Variants in KIAA1210 observed in about 807,000 individuals in gnomAD.
KIAA1210 encodes the protein acrosomal protein KIAA1210.
In KIAA1210, 48 loss-of-function variants were observed where a neutral mutation model predicts 78.9. That is an observed-to-expected ratio of 0.61 (90% CI 0.48 to 0.77). The LOEUF is 0.77. KIAA1210 is among the 30% of genes least tolerant of loss of function. The pLI, the probability that KIAA1210 is intolerant of heterozygous loss-of-function variation, is 0.00. For missense variants in KIAA1210, 1,108 were observed against 1,100.0 expected (o/e 1.01, Z -0.10); for synonymous variants, 406 against 404.5 (o/e 1.00, Z -0.04).
upstream of KIAA1210, among the ~76,000 whole-genome samples, chrX:119,128,255 T>A (rs2147193308): frequency 8.9e-6 from 1 of 111,985 alleles, no homozygotes; most frequent in African/African-American, 3.2e-5. Context: ...ATATTAATAG[T>A]ATATTTTACA....
intron 2 of KIAA1210, among the ~76,000 whole-genome samples, chrX:119,136,390 G>A (rs1006179710): frequency 1.8e-5 from 2 of 112,496 alleles, no homozygotes; most frequent in Admixed American, 1.9e-4. Context: ...TCACCCCATG[G>A]TTATGAGAAA....
intron 2 of KIAA1210, among the ~76,000 whole-genome samples, chrX:119,119,975 C>CAAAA (rs11342308): frequency 2.5e-4 from 9 of 35,567 alleles, no homozygotes; most frequent in Admixed American, 6.4e-4. Context: ...GACTCCATCT[C>CAAAA]AAAAAAAAAA....
At chrX:119,148,200 C>G (rs1261540096) in intron 1 of KIAA1210, among the ~76,000 whole-genome samples, 1 of 111,429 alleles carries the variant, frequency 9.0e-6, no homozygotes, top group Non-Finnish European at 1.9e-5. Context: ...CTGAATTGAC[C>G]TCTGCAGCAG....
rs375076566 is a variant in KIAA1210 at position 119,087,165 on chromosome X, A to G, written c.3537T>C (p.Pro1179=). 4.1e-6 allele frequency: 5 copies of G among 1,210,256 alleles called. No homozygotes were observed. Among genetic ancestry groups the G allele is most frequent in the Middle Eastern group, 2.3e-4 (1 of 4,376 alleles). ...QMSSKGPVNV[P]VKQSSGEKHL... ...GCTTCTCACCGCTGCTCTGCTTTAC[A>G]GGTACATTCACTGGGCCCTTTGATG... Residue 1179 remains proline, a synonymous_variant, in exon 9 of 12, where the codon CCT becomes CCC. Transcript: ENST00000691062.
At position 119,108,438 on chromosome X, in the gene KIAA1210, T is replaced by C. The variant is rs746863108; in HGVS notation, c.391A>G (p.Arg131Gly). 8.3e-7 allele frequency: 1 copy of C among 1,207,344 alleles called. No individual in the cohort carries two copies. The highest frequency in any genetic ancestry group is 1.1e-6 in the Non-Finnish European group (1 of 893,644). ...SHISRTLPKP[R>G]SKVPGVVSGA... ...GACACAACTCCAGGAACCTTACTCC[T>C]AGGTTTAGGCAGAGTTCTGGAAATA... The change falls in exon 5 of 12, where the codon AGG becomes GGG. Residue 131 changes from arginine to glycine, a missense_variant. By Grantham distance (125) the Arg-to-Gly change is moderately radical. Coordinates refer to ENST00000691062, the MANE Select transcript of KIAA1210 (RefSeq NM_001394962.1).
At chrX:119,136,507 C>A (rs1232438208) in intron 2 of KIAA1210, among the ~76,000 whole-genome samples, 1 of 110,960 alleles carries the variant, frequency 9.0e-6, no homozygotes, top group Non-Finnish European at 1.9e-5. Context: ...ATGTCTTTGT[C>A]CCCAGAGGGC....
intron 2 of KIAA1210, among the ~76,000 whole-genome samples, chrX:119,140,251 G>A (rs996186443): frequency 1.5e-4 from 17 of 111,468 alleles, no homozygotes; most frequent in African/African-American, 5.2e-4. Flanking sequence ...TGCACAGGCC[G>A]GGTGTGGTGG....
upstream of KIAA1210, among the ~76,000 whole-genome samples, chrX:119,129,336 G>T (rs1417631894): frequency 9.0e-6 from 1 of 110,881 alleles, no homozygotes; most frequent in African/African-American, 3.3e-5. Context: ...CAAGTCACTG[G>T]GGGGTTTGGA....
intron 2 of KIAA1210, among the ~76,000 whole-genome samples, chrX:119,122,395 T>C (rs1443234196): frequency 1.8e-5 from 2 of 111,854 alleles, no homozygotes; most frequent in African/African-American, 3.2e-5. Context: ...CTAACTAAAC[T>C]TTCTTCCCTT....
At chrX:119,095,998 G>A (rs1927540722) in intron 7 of KIAA1210, among the ~76,000 whole-genome samples, 1 of 111,773 alleles carries the variant, frequency 8.9e-6, no homozygotes, top group African/African-American at 3.3e-5. Context: ...CTGCTTCCTG[G>A]AAAGTCATGT....
At chrX:119,149,117 G>T (rs988899418) in intron 1 of KIAA1210, among the ~76,000 whole-genome samples, 2 of 109,654 alleles carry the variant, frequency 1.8e-5, no homozygotes, top group African/African-American at 6.7e-5. Flanking sequence ...TTCCCTCCCA[G>T]TCTTCCTCTC....
intron 2 of KIAA1210, among the ~76,000 whole-genome samples, chrX:119,136,880 C>G (rs775318884): frequency 4.1e-4 from 46 of 111,046 alleles, no homozygotes; most frequent in Non-Finnish European, 6.4e-4. Flanking sequence ...CGAAGGTTCT[C>G]TAGCCCCAAA....
In KIAA1210 at chrX:119,088,512, C is replaced by A. The variant is rs200561223; in HGVS notation, c.2190G>T (p.Met730Ile). 1.2e-4 allele frequency: 149 copies of A among 1,209,363 alleles called. 2 individuals carry two copies. The highest frequency in any genetic ancestry group is 1.3e-4 in the Admixed American group (6 of 45,720). Residue 730 changes from methionine to isoleucine, a missense_variant, in exon 9 of 12, where the codon ATG becomes ATT. This residue lies in a region of KIAA1210 where 672 missense variants were observed against 607.1 expected (regional missense o/e 1.11). Transcript: ENST00000691062. Reference sequence around the variant, plus strand: ...AAGGGCATCTGGAAGGCAGCTGCTGCATAAAATCATTCTGCTCTTCAGGAG... The same window carrying A: ...AAGGGCATCTGGAAGGCAGCTGCTGAATAAAATCATTCTGCTCTTCAGGAG... ...NNTPEEQNDFMQQLPSRCPSQ... is the reference protein window; with the variant it reads ...NNTPEEQNDFIQQLPSRCPSQ...
rs762160780 is a variant in KIAA1210 at position 119,122,380 on chromosome X, C to G, written c.61+1202G>C. Among the ~76,000 whole-genome samples the G allele has an allele frequency of 6.2e-5, 7 of 112,009 alleles. No individual in the cohort carries two copies. The South Asian group carries it at 2.6e-3, about 42-fold the overall frequency. On this transcript the variant is annotated intron_variant, in intron 2 of 11. Transcript: ENST00000691062. ...CCACCACGCCCAGCTGGAAAGAAAA[C>G]ATTTCTAACTAAACTTTCTTCCCTT... is the stretch of plus-strand genomic sequence containing the variant.
chrX:119,141,198 G>A (rs1401279956), intron 2 of KIAA1210, among the ~76,000 whole-genome samples: 1 of 111,611 alleles, frequency 9.0e-6, no homozygotes, highest in Non-Finnish European at 1.9e-5. Flanking sequence ...GGACAGTTGG[G>A]CTTATGGAAA....
chrX:119,110,955 C>A (rs1928052045), intron 3 of KIAA1210, among the ~76,000 whole-genome samples: 1 of 107,016 alleles, frequency 9.3e-6, no homozygotes, highest in Non-Finnish European at 1.9e-5. Flanking sequence ...TCTTAAAATT[C>A]ATAGTGAAAT....
chrX:119,150,349 A>T, exon 1 of KIAA1210: 1 of 1,208,555 alleles, frequency 8.3e-7, no homozygotes, highest in Non-Finnish European at 1.1e-6. Context: ...GGGAATAACT[A>T]GGTATTTCCA....
chrX:119,129,433 A>T (rs113588606), upstream of KIAA1210, among the ~76,000 whole-genome samples: 44 of 111,090 alleles, frequency 4.0e-4, no homozygotes, highest in African/African-American at 1.3e-3. Flanking sequence ...TATAGTGATT[A>T]TATGTTGAAA....
chrX:119,120,029 G>A (rs766502708), intron 2 of KIAA1210, among the ~76,000 whole-genome samples: 7 of 109,588 alleles, frequency 6.4e-5, no homozygotes, highest in East Asian at 2.9e-4. Context: ...ATTAGCTGGG[G>A]GTGGTGGTTA....
Sources: gnomAD v4.1 joint callset for allele counts (sites outside exome capture counted in the v4.1 genomes callset) on GRCh38, gnomAD v4.1.1 for gene constraint, gnomAD v4.1.1 regional missense constraint, MANE v1.5 for transcripts, NCBI Gene and HGNC (gene_info 2026-07-23, HGNC 2026-07-21) for gene names.